The following RBPMS variants were observed in gnomAD, a reference collection of about 807,000 sequenced individuals.
RBPMS encodes RNA-binding protein with multiple splicing.
A neutral mutation model predicts 26.8 loss-of-function variants in RBPMS; 7 were observed. The ratio of observed to expected loss-of-function variants is 0.26; its 90% CI spans 0.15 to 0.49. The LOEUF (loss-of-function observed/expected upper bound fraction) is 0.49, where lower values mean the gene tolerates loss of function less well. Ranked by LOEUF, RBPMS falls within the 20% of genes least tolerant of loss-of-function variation. RBPMS has a pLI of 0.98. For missense variants in RBPMS, 186 were observed against 250.0 expected (o/e 0.74, Z 1.73); for synonymous variants, 96 against 93.3 (o/e 1.03, Z -0.17).
chr8:30,418,921 T>C (rs1345441520), intron 1 of RBPMS, among the ~76,000 whole-genome samples: 2 of 152,194 alleles, frequency 1.3e-5, no homozygotes, highest in South Asian at 4.1e-4. Flanking sequence ...GCACTCTTTA[T>C]ACGTTGTAAA....
intron 4 of RBPMS, 55 bp from the exon 5 acceptor site, chr8:30,504,231 C>T: frequency 6.3e-7 from 1 of 1,599,436 alleles, no homozygotes; most frequent in South Asian, 1.1e-5. Flanking sequence ...TGTCACCATT[C>T]CGGTTTGACT....
At chr8:30,411,283 A>G (rs1809361918) in intron 1 of RBPMS, among the ~76,000 whole-genome samples, 1 of 152,128 alleles carries the variant, frequency 6.6e-6, no homozygotes, top group Admixed American at 6.6e-5. Context: ...TAGGAGTCTT[A>G]TTCTAAGGAT....
chr8:30,513,046 C>A (rs180763392), intron 5 of RBPMS, among the ~76,000 whole-genome samples: 2 of 151,328 alleles, frequency 1.3e-5, no homozygotes, highest in African/African-American at 4.8e-5. Context: ...TGAGGGCACA[C>A]GTCATTATTT....
rs193123020 is a variant in RBPMS at position 30,420,733 on chromosome 8, A to G, written c.66+35575A>G. ...TACTTATGCAGGGAATCAACCTATTAGACATTTGCCGAACTTGAATAAAAT... is the reference window on the plus strand; with the variant it reads ...TACTTATGCAGGGAATCAACCTATTGGACATTTGCCGAACTTGAATAAAAT... On this transcript the variant is annotated intron_variant, in intron 1 of 8. Coordinates refer to ENST00000397323, the MANE Select transcript of RBPMS (RefSeq NM_001008710.3). Among the ~76,000 whole-genome samples the G allele has an allele frequency of 4.6e-5, 7 of 152,370 alleles. No individual in the cohort carries two copies. The East Asian group carries it at 1.3e-3, about 29-fold the overall frequency.
At chr8:30,391,907 T>C (rs1011148362) in intron 1 of RBPMS, among the ~76,000 whole-genome samples, 5 of 152,032 alleles carry the variant, frequency 3.3e-5, no homozygotes, top group African/African-American at 1.2e-4. Flanking sequence ...TAAATAATTA[T>C]CTCCTAACTT....
At chr8:30,476,735 T>C (rs1280023457) in intron 2 of RBPMS, among the ~76,000 whole-genome samples, 1 of 152,116 alleles carries the variant, frequency 6.6e-6, no homozygotes, top group African/African-American at 2.4e-5. Flanking sequence ...TCACGTCAAG[T>C]GGTGTGTTTT....
intron 2 of RBPMS, among the ~76,000 whole-genome samples, chr8:30,476,493 C>G (rs985965723): frequency 2.0e-5 from 3 of 152,168 alleles, no homozygotes; most frequent in Admixed American, 6.5e-5. Context: ...CATGACCTCT[C>G]TGGCCATAAG....
intron 6 of RBPMS, among the ~76,000 whole-genome samples, chr8:30,549,756 C>CTTTCCTT (rs1206516876): frequency 2.7e-5 from 3 of 112,150 alleles, no homozygotes; most frequent in Non-Finnish European, 5.3e-5. Context: ...CTTTCCTTTT[C>CTTTCCTT]TTTTCTTTTC....
intron 7 of RBPMS, chr8:30,564,968 G>A (rs1827783871): frequency 6.6e-6 from 1 of 152,190 alleles, no homozygotes; most frequent in Admixed American, 6.5e-5. Context: ...ATTAGCTGAA[G>A]CCCAGAGGCT....
Position 30,502,426 on chromosome 8 carries a change from T to A in RBPMS, c.247-1860T>A, listed in dbSNP as rs1398945237. On this transcript the variant is annotated intron_variant, in intron 4 of 8. Coordinates refer to ENST00000397323, the MANE Select transcript of RBPMS (RefSeq NM_001008710.3). Reference sequence around the variant, plus strand: ...CTAGATGCTCTAGACCACAACTAGGTCCCAGGATACTCTTCACATCATCCC... The same window carrying A: ...CTAGATGCTCTAGACCACAACTAGGACCCAGGATACTCTTCACATCATCCC... Among the ~76,000 whole-genome samples, 3 of 152,268 alleles carry A rather than the reference T, an allele frequency of 2.0e-5. No homozygotes were observed. The East Asian group carries it at 5.8e-4, about 29-fold the overall frequency.
Position 30,392,901 on chromosome 8 carries a change from G to A in RBPMS, c.66+7743G>A, listed in dbSNP as rs138145776. Among the ~76,000 whole-genome samples the A allele has an allele frequency of 3.1e-4, 47 of 152,268 alleles. No homozygotes were observed. In the East Asian group the frequency reaches 8.9e-3, roughly 29 times the overall value. On this transcript the variant is annotated intron_variant, in intron 1 of 8. Coordinates refer to ENST00000397323, the MANE Select transcript of RBPMS (RefSeq NM_001008710.3). Reference sequence around the variant, plus strand: ...GAGGAGAGGTCTGATCTTGAAATACGATTTTCAGAACAATTCAAGAACATA... The same window carrying A: ...GAGGAGAGGTCTGATCTTGAAATACAATTTTCAGAACAATTCAAGAACATA...
chr8:30,413,512 T>G (rs1003946516), intron 1 of RBPMS, among the ~76,000 whole-genome samples: 1 of 152,250 alleles, frequency 6.6e-6, no homozygotes, highest in Admixed American at 6.5e-5. Context: ...CTCAGCCTGC[T>G]CCAAGAAGAG....
chr8:30,393,524 C>CA (rs1808033156), intron 1 of RBPMS, among the ~76,000 whole-genome samples: 1 of 145,802 alleles, frequency 6.9e-6, no homozygotes. Context: ...TTTTCATTTT[C>CA]TTTTTTTTTT....
At chr8:30,540,676 GCTT>G (rs1351968975) in intron 5 of RBPMS, among the ~76,000 whole-genome samples, 1 of 152,142 alleles carries the variant, frequency 6.6e-6, no homozygotes, top group Non-Finnish European at 1.5e-5. Context: ...TCTTCCTCCT[GCTT>G]CTGCCTCCCA....
chr8:30,546,794 C>G (rs1236781167), intron 6 of RBPMS, among the ~76,000 whole-genome samples: 1 of 152,178 alleles, frequency 6.6e-6, no homozygotes, highest in African/African-American at 2.4e-5. Flanking sequence ...TCAGAATGAA[C>G]TAGTAGAGGC....
intron 5 of RBPMS, among the ~76,000 whole-genome samples, chr8:30,506,253 A>G (rs1318961082): frequency 6.6e-6 from 1 of 151,858 alleles, no homozygotes; most frequent in African/African-American, 2.4e-5. Context: ...CCCAGCATAC[A>G]GAACAGTGCA....
intron 5 of RBPMS, chr8:30,537,825 T>C: frequency 3.1e-6 from 1 of 326,796 alleles, no homozygotes; most frequent in South Asian, 2.5e-5. Flanking sequence ...CTATCATCAC[T>C]GTAGTTATCT....
intron 1 of RBPMS, among the ~76,000 whole-genome samples, chr8:30,389,582 C>T (rs957169753): frequency 2.0e-5 from 3 of 151,984 alleles, no homozygotes; most frequent in Non-Finnish European, 4.4e-5. Context: ...GATTTAGTAC[C>T]TTTATTTTTA....
Position 30,566,373 on chromosome 8 carries a change from C to T in RBPMS, c.*111+13C>T. On this transcript the variant is annotated intron_variant, in intron 8 of 8. Transcript: ENST00000397323. ...CTGGAGCATGCTGGTGAGTAACAGT[C>T]AGGGCTGAACAAGCCCTCAGGGGCG... 3 of 606,286 alleles carry T rather than the reference C, an allele frequency of 4.9e-6. No individual in the cohort carries two copies. The highest frequency in any genetic ancestry group is 6.2e-6 in the Non-Finnish European group (3 of 487,700). 37.6% of individuals were successfully genotyped at this position (606,286 alleles called of 1,614,324 possible).
Sources: gnomAD v4.1 joint callset for allele counts (sites outside exome capture counted in the v4.1 genomes callset) on GRCh38, gnomAD v4.1.1 for gene constraint, MANE v1.5 for transcripts, NCBI Gene and HGNC (gene_info 2026-07-23, HGNC 2026-07-21) for gene names.